The following CEP63 variants were observed in gnomAD, a reference collection of about 807,000 sequenced individuals.
CEP63 encodes centrosomal protein of 63 kDa.
In CEP63, 84 loss-of-function variants were observed where a neutral mutation model predicts 89.1. That is an observed-to-expected ratio of 0.94 (90% CI 0.79 to 1.13). The LOEUF is 1.13. Ranked by LOEUF, CEP63 falls within the 50% of genes most tolerant of loss-of-function variation. The pLI, the probability that CEP63 is intolerant of heterozygous loss-of-function variation, is 0.00. For missense variants in CEP63, 838 were observed against 813.3 expected (o/e 1.03, Z -0.37); for synonymous variants, 267 against 272.5 (o/e 0.98, Z 0.20).
the CEP63 span, among the ~76,000 whole-genome samples, chr3:134,661,758 G>A: frequency 6.6e-6 from 1 of 151,892 alleles, no homozygotes; most frequent in African/African-American, 2.4e-5. Context: ...AGGAAGAGGG[G>A]AAGGAAGGAA....
the CEP63 span, chr3:134,640,030 A>T: frequency 1.3e-5 from 2 of 155,420 alleles, no homozygotes; most frequent in Non-Finnish European, 2.8e-5. Flanking sequence ...TTACAAATTC[A>T]TTCAACCCAC....
At chr3:134,607,765 C>G in the CEP63 span, 1 of 986,106 alleles carries the variant, frequency 1.0e-6, no homozygotes, top group African/African-American at 1.7e-5. Context: ...CATGTCAGCC[C>G]AGGCCAGCCA....
chr3:134,558,256 G>A lies in CEP63; in HGVS notation c.1582G>A (p.Glu528Lys). The change falls in exon 13 of 15, where the codon GAG becomes AAG. Residue 528 changes from glutamate (E) to lysine (K), a missense_variant. Coordinates refer to ENST00000675561, the MANE Select transcript of CEP63 (RefSeq NM_001353108.3). ...TTTGATGAATACCAAATCTCAGCTG[G>A]AGATTTCTACTCAGATGTGCAAAAA... The part of the protein sequence containing the change: ...KDLMNTKSQL[E>K]ISTQMCKKQN... 6.2e-7 allele frequency: 1 copy of A among 1,613,710 alleles called. No individual in the cohort carries two copies. Among genetic ancestry groups the A allele is most frequent in the African/African-American group, 1.3e-5 (1 of 75,002 alleles).
intron 11 of CEP63, among the ~76,000 whole-genome samples, chr3:134,571,962 G>A (rs978795832): frequency 6.6e-6 from 1 of 152,156 alleles, no homozygotes. Flanking sequence ...AAAGCTAAAG[G>A]TACTGCTAGC....
chr3:134,507,558 T>C (rs1486649952), intron 3 of CEP63, among the ~76,000 whole-genome samples: 4 of 152,218 alleles, frequency 2.6e-5, no homozygotes, highest in African/African-American at 9.6e-5. Context: ...ACATTGTTTG[T>C]TTAACCTTCA....
intron 6 of CEP63, among the ~76,000 whole-genome samples, chr3:134,544,635 G>GT (rs1559995552): frequency 6.5e-5 from 6 of 92,974 alleles, no homozygotes; most frequent in African/African-American, 1.8e-4. Flanking sequence ...CATGCTCTAG[G>GT]TGGGGGGGGG....
At chr3:134,663,922 C>T in the CEP63 span, among the ~76,000 whole-genome samples, 1 of 152,310 alleles carries the variant, frequency 6.6e-6, no homozygotes, top group African/African-American at 2.4e-5. Flanking sequence ...CCATCCTGTC[C>T]TCCCTACAGC....
At chr3:134,558,592 T>C (rs537183789) in intron 13 of CEP63, among the ~76,000 whole-genome samples, 4 of 152,340 alleles carry the variant, frequency 2.6e-5, no homozygotes, top group African/African-American at 9.6e-5. Flanking sequence ...AGATGTGTAT[T>C]ACCTGAGGCT....
At position 134,512,536 on chromosome 3, in the gene CEP63, A is replaced by C. The variant is rs181321749; in HGVS notation, c.222+5250A>C. Among the ~76,000 whole-genome samples, 784 of 152,354 alleles carry C rather than the reference A, an allele frequency of 5.1e-3. 6 individuals are homozygous for C. The highest frequency in any genetic ancestry group is 9.2e-3 in the Non-Finnish European group (628 of 68,034). ...TATACTTGTCACAGTAAATAAAAAG[A>C]AAAATGATTCTACAAGGCTCATAAG... On this transcript the variant is annotated intron_variant, in intron 3 of 14. Transcript: ENST00000675561.
the CEP63 span, among the ~76,000 whole-genome samples, chr3:134,598,264 G>T: frequency 6.6e-6 from 1 of 152,202 alleles, no homozygotes; most frequent in Non-Finnish European, 1.5e-5. Context: ...GGGCCTTTGT[G>T]CATTTTTCGG....
chr3:134,607,356 T>A, the CEP63 span: 1 of 985,542 alleles, frequency 1.0e-6, no homozygotes, highest in Non-Finnish European at 1.2e-6. Context: ...TGGGGACACC[T>A]GTGCTCCCCG....
At chr3:134,630,693 G>A in the CEP63 span, among the ~76,000 whole-genome samples, 1 of 152,210 alleles carries the variant, frequency 6.6e-6, no homozygotes, top group Non-Finnish European at 1.5e-5. Context: ...ACTGGGTGGT[G>A]CACATGCAGG....
chr3:134,555,481 A>G (rs1465184830), intron 12 of CEP63, among the ~76,000 whole-genome samples: 1 of 150,416 alleles, frequency 6.6e-6, no homozygotes, highest in Non-Finnish European at 1.5e-5. Flanking sequence ...CACCAGCAAC[A>G]GACAAACAGA....
intron 3 of CEP63, among the ~76,000 whole-genome samples, chr3:134,518,951 A>C (rs977589160): frequency 6.6e-6 from 1 of 152,160 alleles, no homozygotes. Context: ...TTAGCAATTA[A>C]AAAGAGAAAC....
the CEP63 span, among the ~76,000 whole-genome samples, chr3:134,728,158 C>T: frequency 6.6e-6 from 1 of 152,168 alleles, no homozygotes. Context: ...CAGTTGGATG[C>T]ACTTTCCTTT....
At chr3:134,500,292 T>G (rs111569682) in intron 2 of CEP63, among the ~76,000 whole-genome samples, 1 of 152,208 alleles carries the variant, frequency 6.6e-6, no homozygotes, top group East Asian at 1.9e-4. Flanking sequence ...TTTATGGCTG[T>G]GTAGTATTCC....
chr3:134,766,882 G>A, the CEP63 span, among the ~76,000 whole-genome samples: 1 of 152,194 alleles, frequency 6.6e-6, no homozygotes, highest in Admixed American at 6.5e-5. Context: ...CACTCCAAGA[G>A]CTCTGAACCC....
intron 5 of CEP63, chr3:134,535,968 T>C (rs1259088368): frequency 2.0e-5 from 3 of 152,256 alleles, no homozygotes; most frequent in Admixed American, 6.5e-5. Context: ...CTTCTCCTAC[T>C]TTCCCTTTCA....
intron 6 of CEP63, among the ~76,000 whole-genome samples, chr3:134,542,932 G>A (rs979527157): frequency 1.1e-5 from 1 of 90,000 alleles, no homozygotes; most frequent in African/African-American, 4.4e-5. Flanking sequence ...AAGAATTAGT[G>A]GTTAGTGCAA....
Sources: gnomAD v4.1 joint callset for allele counts (sites outside exome capture counted in the v4.1 genomes callset) on GRCh38, gnomAD v4.1.1 for gene constraint, MANE v1.5 for transcripts, NCBI Gene and HGNC (gene_info 2026-07-23, HGNC 2026-07-21) for gene names.